The following INSC variants were observed in gnomAD, a reference collection of about 807,000 sequenced individuals.
The protein encoded by INSC is protein inscuteable homolog.
Under a neutral mutation model 58.6 loss-of-function variants are expected in INSC, and 67 were observed. That is an observed-to-expected ratio of 1.14 (90% CI 0.94 to 1.40). The LOEUF is 1.40. Among genes scored for constraint, INSC ranks in the 40% most tolerant of loss-of-function variants. The pLI is 0.00. For synonymous variants in INSC, 262 were observed against 276.1 expected, an observed-to-expected ratio of 0.95 and a Z score of 0.51; for missense variants, 714 against 692.0, an observed-to-expected ratio of 1.03 and a Z score of -0.36.
intron 1 of INSC, among the ~76,000 whole-genome samples, chr11:15,116,317 AC>A (rs1847692583): frequency 6.6e-6 from 1 of 152,184 alleles, no homozygotes; most frequent in Non-Finnish European, 1.5e-5. Context: ...TCCCAAGGCA[AC>A]CATTTGGCAG....
At chr11:15,258,823 T>C in the INSC span, among the ~76,000 whole-genome samples, 2 of 152,172 alleles carry the variant, frequency 1.3e-5, no homozygotes, top group Non-Finnish European at 2.9e-5. Context: ...ACGTTTAGCA[T>C]AATACAACCA....
chr11:15,236,669 G>A (rs1314230410), intron 10 of INSC, among the ~76,000 whole-genome samples: 1 of 152,218 alleles, frequency 6.6e-6, no homozygotes, highest in Non-Finnish European at 1.5e-5. Context: ...GAGCAGAGAT[G>A]GTGAGGGCTT....
intron 1 of INSC, among the ~76,000 whole-genome samples, chr11:15,131,543 T>C (rs1032172281): frequency 2.0e-5 from 3 of 152,202 alleles, no homozygotes; most frequent in African/African-American, 7.2e-5. Context: ...CTGCTTGATC[T>C]ATCACTCAGT....
intron 1 of INSC, among the ~76,000 whole-genome samples, chr11:15,131,341 A>G: frequency 6.6e-6 from 1 of 151,972 alleles, no homozygotes; most frequent in East Asian, 1.9e-4. Flanking sequence ...TGGGGTAGAG[A>G]TTGCAACCCC....
At position 15,190,807 on chromosome 11, in the gene INSC, T is replaced by C; in HGVS notation, c.686T>C (p.Ile229Thr). Residue 229 changes from isoleucine (I) to threonine (T), a missense_variant, in exon 6 of 13, where the codon ATA becomes ACA. Transcript: ENST00000379556. ...TQEGAPLCRI[I>T]AKEGGVVALF... ...GAGGGGGCTCCCTTGTGCCGCATCA[T>C]AGCCAAGGTGAGCTTCATGGTTAGG... is the stretch of plus-strand genomic sequence containing the variant. 6.2e-7 allele frequency: 1 copy of C among 1,611,254 alleles called. No individual in the cohort carries two copies. Among genetic ancestry groups the C allele is most frequent in the South Asian group, 1.1e-5 (1 of 91,020 alleles).
chr11:15,244,454 C>CT (rs1852483189), intron 12 of INSC, among the ~76,000 whole-genome samples: 1 of 152,190 alleles, frequency 6.6e-6, no homozygotes, highest in South Asian at 2.1e-4. Context: ...ACTATCCTCT[C>CT]TTTTCACTTT....
In INSC at chr11:15,210,817, T is replaced by G. The variant is rs188056890; in HGVS notation, c.819+9868T>G. On this transcript the variant is annotated intron_variant, in intron 7 of 12. Transcript: ENST00000379556. ...GGGGAGCAGGGTAAAGGAGGTTGCTTGGGCTGGTGGGGTGGAGGGAGGATT... is the reference window on the plus strand; with the variant it reads ...GGGGAGCAGGGTAAAGGAGGTTGCTGGGGCTGGTGGGGTGGAGGGAGGATT... Among the ~76,000 whole-genome samples, 417 of 151,754 alleles carry G rather than the reference T, an allele frequency of 2.7e-3. 2 individuals are homozygous for G. Among genetic ancestry groups the G allele is most frequent in the African/African-American group, 9.4e-3 (388 of 41,348 alleles).
At chr11:15,201,922 C>T (rs577262617) in intron 7 of INSC, among the ~76,000 whole-genome samples, 2 of 152,226 alleles carry the variant, frequency 1.3e-5, no homozygotes, top group East Asian at 1.9e-4. Flanking sequence ...TCCACCCTAC[C>T]CTCAGCTTCT....
In INSC at chr11:15,246,883, CTG is replaced by C. The variant is rs1286851540; in HGVS notation, c.*846_*847del. The C allele has an allele frequency of 6.6e-6, 1 of 152,236 alleles. No individual in the cohort carries two copies. Among genetic ancestry groups the C allele is most frequent in the African/African-American group, 2.4e-5 (1 of 41,470 alleles). The allele number at this position is 152,236 out of a possible 1,614,324, so 9.4% of individuals were successfully genotyped here. Reference sequence around the variant, plus strand: ...GCTCATGCCCACTCACAAGGGACAACTGTGAGAATTTCTTCCTAACTCTGCAC... The same window carrying C: ...GCTCATGCCCACTCACAAGGGACAACTGAGAATTTCTTCCTAACTCTGCAC... On this transcript the variant is annotated 3_prime_UTR_variant, in exon 13 of 13. Transcript: ENST00000379556.
chr11:15,229,984 TATATATATA>T (rs1851826545), intron 9 of INSC, among the ~76,000 whole-genome samples: 3 of 24,588 alleles, frequency 1.2e-4, no homozygotes, highest in South Asian at 1.4e-3. Context: ...ATATATTATA[TATATATATA>T]TATATATATA....
chr11:15,168,190 T>C (rs1284655442), intron 2 of INSC, among the ~76,000 whole-genome samples: 1 of 152,182 alleles, frequency 6.6e-6, no homozygotes, highest in Non-Finnish European at 1.5e-5. Flanking sequence ...TGTGCCATGG[T>C]GGTTTGCTGC....
intron 2 of INSC, among the ~76,000 whole-genome samples, chr11:15,155,202 A>G (rs1045075244): frequency 2.6e-5 from 4 of 152,268 alleles, no homozygotes; most frequent in African/African-American, 7.2e-5. Context: ...CATTTTCCCA[A>G]CACATGAGTC....
intron 7 of INSC, among the ~76,000 whole-genome samples, chr11:15,220,846 G>T (rs1301537821): frequency 6.6e-6 from 1 of 152,168 alleles, no homozygotes; most frequent in Non-Finnish European, 1.5e-5. Context: ...GCTTCTTACT[G>T]GTTGGGCACA....
chr11:15,151,317 T>A (rs914352358), intron 2 of INSC, among the ~76,000 whole-genome samples: 1 of 152,170 alleles, frequency 6.6e-6, no homozygotes, highest in Non-Finnish European at 1.5e-5. Flanking sequence ...CCTCCCTGCA[T>A]GGAAAAATTG....
chr11:15,235,529 T>G, intron 9 of INSC, 73 bp from the exon 10 acceptor site: 3 of 1,163,880 alleles, frequency 2.6e-6, no homozygotes, highest in Non-Finnish European at 3.9e-6. Flanking sequence ...AGCCCCTGGC[T>G]GACCTGTCTG....
At chr11:15,172,344 G>A (rs59079435) in intron 2 of INSC, among the ~76,000 whole-genome samples, 4,972 of 152,158 alleles carry the variant, frequency 0.033, 252 homozygotes, top group African/African-American at 0.11. Flanking sequence ...TGATGGAGGC[G>A]TATGAAGTCT....
intron 10 of INSC, among the ~76,000 whole-genome samples, chr11:15,237,654 T>C (rs1381744360): frequency 6.6e-6 from 1 of 152,200 alleles, no homozygotes; most frequent in Non-Finnish European, 1.5e-5. Flanking sequence ...CAAATCTTGT[T>C]GTGCAGACTG....
chr11:15,157,912 G>A (rs1196990679), intron 2 of INSC, among the ~76,000 whole-genome samples: 2 of 152,082 alleles, frequency 1.3e-5, no homozygotes, highest in Non-Finnish European at 1.5e-5. Flanking sequence ...ACTTGTCAGA[G>A]GCCACACCCT....
At chr11:15,116,322 T>C (rs1698315298) in intron 1 of INSC, among the ~76,000 whole-genome samples, 1 of 152,188 alleles carries the variant, frequency 6.6e-6, no homozygotes, top group Non-Finnish European at 1.5e-5. Flanking sequence ...AGGCAACCAT[T>C]TGGCAGGGAG....
Sources: allele counts gnomAD v4.1 joint callset (sites outside exome capture counted in the v4.1 genomes callset), GRCh38; gene constraint gnomAD v4.1.1; transcripts MANE v1.5; gene names NCBI Gene and HGNC (gene_info 2026-07-23, HGNC 2026-07-21).